Variants in TNRC6B observed in about 807,000 individuals in gnomAD.
TNRC6B encodes the protein trinucleotide repeat containing adaptor 6B.
In TNRC6B, 52 loss-of-function variants were observed where a neutral mutation model predicts 203.6. That is an observed-to-expected ratio of 0.26 (90% CI 0.20 to 0.32). The LOEUF (loss-of-function observed/expected upper bound fraction) is 0.32. Among genes scored for constraint, TNRC6B ranks in the 10% least tolerant of loss-of-function variants. TNRC6B has a pLI of 1.00. For synonymous variants in TNRC6B, 838 were observed against 845.7 expected (o/e 0.99, Z 0.16); for missense variants, 1,923 against 2,286.2 (o/e 0.84, Z 3.24).
Position 40,256,888 on chromosome 22 carries a change from A to C in TNRC6B, c.116-4944A>C, listed in dbSNP as rs559187973. ...AAAACCAAAGAAGGAAAGGTCCAAGATGGGCTGGTTAGACTGGCAACAAAG... is the reference window on the plus strand; with the variant it reads ...AAAACCAAAGAAGGAAAGGTCCAAGCTGGGCTGGTTAGACTGGCAACAAAG... On this transcript the variant is annotated intron_variant, in intron 3 of 22. Transcript: ENST00000454349. 2.4e-4 allele frequency among the ~76,000 whole-genome samples: 37 copies of C among 152,260 alleles called. 1 individual carries two copies. The South Asian group carries it at 7.7e-3, about 32-fold the overall frequency.
In TNRC6B at chr22:40,273,580, G is replaced by A; in HGVS notation, c.3121G>A (p.Gly1041Arg). The A allele has an allele frequency of 6.3e-7, 1 of 1,581,136 alleles. No individual in the cohort carries two copies. Among genetic ancestry groups the A allele is most frequent in the Non-Finnish European group, 8.6e-7 (1 of 1,163,430 alleles). ...CCACAACTCAGCAAGCTGGGGACAA[G>A]GAGGAAAGAAACAAATGAAGGTAGC... ...SSHNSASWGQ[G>R]GKKQMKCSLK... Residue 1041 changes from glycine to arginine, a missense_variant, in exon 7 of 23, where the codon GGA becomes AGA. Physicochemically the swap from Gly to Arg is moderately radical, Grantham distance 125 (BLOSUM62 -2). Transcript: ENST00000454349.
chr22:40,172,342 G>C (rs1489567744), intron 4 of TNRC6B, among the ~76,000 whole-genome samples: 1 of 152,230 alleles, frequency 6.6e-6, no homozygotes, highest in Non-Finnish European at 1.5e-5. Flanking sequence ...GCTCCATATA[G>C]ACGAGAACCT....
chr22:40,154,838 CTCAAA>C (rs1361880906), intron 3 of TNRC6B, among the ~76,000 whole-genome samples: 1 of 27,048 alleles, frequency 3.7e-5, no homozygotes, highest in Non-Finnish European at 6.2e-5. Context: ...AAGACTCTAT[CTCAAA>C]AAAAAAAAAA....
chr22:40,281,086 CGTT>C (rs1340502516), intron 10 of TNRC6B, 30 bp from the exon 11 acceptor site: 4 of 1,517,006 alleles, frequency 2.6e-6, no homozygotes, highest in Non-Finnish European at 3.5e-6. Flanking sequence ...AACCAACACT[CGTT>C]GTGATTGGCT....
chr22:40,089,368 G>A (rs1032143258), intron 1 of TNRC6B, among the ~76,000 whole-genome samples: 2 of 152,018 alleles, frequency 1.3e-5, no homozygotes, highest in African/African-American at 4.8e-5. Context: ...CGGTAGCTGG[G>A]ATTACAGGCA....
intron 3 of TNRC6B, among the ~76,000 whole-genome samples, chr22:40,155,816 G>C (rs2068814489): frequency 6.6e-6 from 1 of 152,156 alleles, no homozygotes; most frequent in African/African-American, 2.4e-5. Context: ...TGAAATTCCT[G>C]CTTGGTTATT....
intron 1 of TNRC6B, among the ~76,000 whole-genome samples, chr22:40,206,260 GT>G (rs1313744466): frequency 6.6e-6 from 1 of 151,988 alleles, no homozygotes; most frequent in Non-Finnish European, 1.5e-5. Context: ...ATATGATTGG[GT>G]ACTGTTTCTA....
At chr22:40,090,238 T>G (rs1220531031) in intron 1 of TNRC6B, among the ~76,000 whole-genome samples, 1 of 152,194 alleles carries the variant, frequency 6.6e-6, no homozygotes, top group African/African-American at 2.4e-5. Context: ...GTAAGTTTAG[T>G]TTTGTGAGAA....
At chr22:40,062,120 T>C (rs1229655579) in intron 1 of TNRC6B, among the ~76,000 whole-genome samples, 1 of 152,128 alleles carries the variant, frequency 6.6e-6, no homozygotes, top group Non-Finnish European at 1.5e-5. Context: ...ATTTCAGCCC[T>C]CCCAGGTTTT....
intron 4 of TNRC6B, among the ~76,000 whole-genome samples, chr22:40,158,759 C>T (rs992340704): frequency 6.6e-6 from 1 of 152,190 alleles, no homozygotes; most frequent in African/African-American, 2.4e-5. Flanking sequence ...GCCTGGTCAG[C>T]TATTACATAC....
At chr22:40,050,940 T>C (rs1419576065) in intron 1 of TNRC6B, among the ~76,000 whole-genome samples, 1 of 151,800 alleles carries the variant, frequency 6.6e-6, no homozygotes, top group African/African-American at 2.4e-5. Flanking sequence ...TTCTTCTGCC[T>C]CAGCCTCTCG....
At chr22:40,172,603 T>C (rs1221435520) in intron 4 of TNRC6B, among the ~76,000 whole-genome samples, 2 of 152,266 alleles carry the variant, frequency 1.3e-5, no homozygotes. Context: ...TTTGCATCTG[T>C]CTTCACAAGT....
chr22:40,223,320 T>C (rs1481645816), intron 1 of TNRC6B, among the ~76,000 whole-genome samples: 3 of 152,122 alleles, frequency 2.0e-5, no homozygotes, highest in Non-Finnish European at 4.4e-5. Flanking sequence ...TTTGTATTTT[T>C]AGTGGAGACG....
At chr22:40,172,035 AATTTTTATTTTTTTGGT>A (rs2069005089) in intron 4 of TNRC6B, among the ~76,000 whole-genome samples, 1 of 138,120 alleles carries the variant, frequency 7.2e-6, no homozygotes, top group African/African-American at 2.8e-5. Context: ...ATTTTTTTTT[AATTTTTATTTTTTTGGT>A]ATTTTTAGTA....
intron 1 of TNRC6B, among the ~76,000 whole-genome samples, chr22:40,205,217 G>A (rs1027170010): frequency 6.6e-6 from 1 of 152,156 alleles, no homozygotes; most frequent in African/African-American, 2.4e-5. Context: ...ATTACCTCAA[G>A]CACTTAGTAG....
chr22:40,268,773 G>A (rs1014349625), intron 5 of TNRC6B, among the ~76,000 whole-genome samples: 17 of 151,994 alleles, frequency 1.1e-4, no homozygotes, highest in South Asian at 2.1e-4. Flanking sequence ...TTAGCCAGGC[G>A]TGGTGGCGGG....
At chr22:40,316,079 G>A in intron 21 of TNRC6B, 67 bp downstream of exon 21, 1 of 1,478,000 alleles carries the variant, frequency 6.8e-7, no homozygotes, top group East Asian at 2.3e-5. Context: ...GAAAGGTTGG[G>A]CATGGTGGCT....
At chr22:40,243,936 A>G (rs759332121) in intron 1 of TNRC6B, among the ~76,000 whole-genome samples, 2 of 152,178 alleles carry the variant, frequency 1.3e-5, no homozygotes, top group African/African-American at 2.4e-5. Flanking sequence ...TTTTAGATTT[A>G]GAAAAAAATG....
chr22:40,167,210 C>A (rs568928448), intron 4 of TNRC6B, among the ~76,000 whole-genome samples: 1 of 152,210 alleles, frequency 6.6e-6, no homozygotes, highest in South Asian at 2.1e-4. Flanking sequence ...TCCATTGAAC[C>A]CGAAACAAAA....
Sources: allele counts gnomAD v4.1 joint callset (sites outside exome capture counted in the v4.1 genomes callset), GRCh38; gene constraint gnomAD v4.1.1; transcripts MANE v1.5; gene names NCBI Gene and HGNC (gene_info 2026-07-23, HGNC 2026-07-21).